GOLM1: variants seen among roughly 807,000 people sequenced by gnomAD.
GOLM1 encodes the protein epididymis luminal protein 46.
GOLM1 carries 31 observed loss-of-function variants against 50.5 expected under a neutral mutation model. The ratio of observed to expected loss-of-function variants is 0.61; its 90% CI spans 0.46 to 0.83. The LOEUF (loss-of-function observed/expected upper bound fraction) is 0.83. Ranked by LOEUF, GOLM1 falls within the 40% of genes least tolerant of loss-of-function variation. The pLI is 0.00. For missense variants in GOLM1, 491 were observed against 501.3 expected (o/e 0.98, Z 0.20); for synonymous variants, 178 against 192.8 (o/e 0.92, Z 0.64).
At chr9:86,051,833 A>G (rs915380933) in intron 4 of GOLM1, among the ~76,000 whole-genome samples, 2 of 152,200 alleles carry the variant, frequency 1.3e-5, no homozygotes, top group Non-Finnish European at 2.9e-5. Flanking sequence ...CTTTTCACAT[A>G]AGACTTTTTA....
intron 3 of GOLM1, among the ~76,000 whole-genome samples, chr9:86,076,594 G>A (rs1470635973): frequency 2.0e-5 from 3 of 151,912 alleles, no homozygotes; most frequent in African/African-American, 4.8e-5. Flanking sequence ...GGCCGGGCAC[G>A]GTGGCTCATG....
intron 1 of GOLM1, among the ~76,000 whole-genome samples, chr9:86,096,428 T>C (rs2118916167): frequency 6.6e-6 from 1 of 152,304 alleles, no homozygotes; most frequent in African/African-American, 2.4e-5. Flanking sequence ...CCTGCTGTAG[T>C]TCAATGGTCC....
At chr9:86,040,118 A>G (rs1009900098) in intron 6 of GOLM1, among the ~76,000 whole-genome samples, 6 of 152,174 alleles carry the variant, frequency 3.9e-5, no homozygotes, top group Admixed American at 6.5e-5. Flanking sequence ...ACTAAGGGAT[A>G]CACGGTTTCT....
At chr9:86,044,323 C>G (rs996704747) in intron 5 of GOLM1, among the ~76,000 whole-genome samples, 2 of 152,166 alleles carry the variant, frequency 1.3e-5, no homozygotes, top group Admixed American at 1.3e-4. Flanking sequence ...TCTACAGAGA[C>G]GTGTACTTGG....
At chr9:86,081,476 A>G (rs1563966378) in intron 1 of GOLM1, among the ~76,000 whole-genome samples, 2 of 152,172 alleles carry the variant, frequency 1.3e-5, no homozygotes, top group African/African-American at 4.8e-5. Context: ...GAATATAGGC[A>G]TGAGCCACCG....
At chr9:86,056,582 A>T (rs1253671233) in intron 3 of GOLM1, among the ~76,000 whole-genome samples, 4 of 150,944 alleles carry the variant, frequency 2.6e-5, no homozygotes, top group African/African-American at 4.9e-5. Context: ...CTTGGCTCAA[A>T]GCAACCTCCA....
At position 86,026,351 on chromosome 9, in the gene GOLM1, C is replaced by T. The variant is rs144817028; in HGVS notation, c.*1466G>A. 4.1e-4 allele frequency: 402 copies of T among 985,184 alleles called. 1 individual carries two copies. In the African/African-American group the frequency reaches 6.5e-3, roughly 16 times the overall value. The allele number at this position is 985,184 out of a possible 1,614,324, so 61.0% of individuals were successfully genotyped here. A position where few individuals can be genotyped will look rare whatever the true frequency, so the allele number is the denominator to read the frequency against. On this transcript the variant is annotated 3_prime_UTR_variant, in exon 10 of 10. Transcript: ENST00000388712. ...CCTTTTCTGGGTGGGAAAGTTTAAC[C>T]TTAGTGACTAAGGACATCACATATG...
chr9:86,039,665 C>T (rs1833266973), intron 6 of GOLM1, among the ~76,000 whole-genome samples: 1 of 152,118 alleles, frequency 6.6e-6, no homozygotes, highest in African/African-American at 2.4e-5. Context: ...GGTATTCATA[C>T]TCAGTCAAAG....
At chr9:86,082,268 C>T (rs1001161713) in intron 1 of GOLM1, among the ~76,000 whole-genome samples, 5 of 150,700 alleles carry the variant, frequency 3.3e-5, no homozygotes, top group Non-Finnish European at 7.4e-5. Context: ...CCTTGTGATC[C>T]GCCCGCCTCG....
At position 86,077,411 on chromosome 9, in the gene GOLM1, C is replaced by T; in HGVS notation, c.309+1G>A. 1.2e-6 allele frequency: 2 copies of T among 1,612,916 alleles called. No homozygotes were observed. The highest frequency in any genetic ancestry group is 1.1e-5 in the South Asian group (1 of 91,054). On this transcript the variant is annotated splice_donor_variant, in intron 3 of 9. Coordinates refer to ENST00000388712, the MANE Select transcript of GOLM1 (RefSeq NM_016548.4). LOFTEE classifies it high-confidence loss of function. ...CTGAGAGGAAACAAAGCAGGCCTTG[C>T]CTTTTCGTCCTGGTACAGCTTGTTG... is the stretch of plus-strand genomic sequence containing the variant.
At position 86,035,595 on chromosome 9, in the gene GOLM1, T is replaced by G; in HGVS notation, c.788A>C (p.Glu263Ala). 1.2e-6 allele frequency: 2 copies of G among 1,602,070 alleles called. No individual in the cohort carries two copies. The highest frequency in any genetic ancestry group is 1.7e-6 in the Non-Finnish European group (2 of 1,178,614). The change falls in exon 8 of 10, where the codon GAG (glutamate) becomes GCG (alanine). Residue 263 changes from glutamate to alanine, a missense_variant. Coordinates refer to ENST00000388712, the MANE Select transcript of GOLM1 (RefSeq NM_016548.4). ...CGGCAGCCTGTCCCTCTGAGGCTCCTCATTCACCACCTGGATCTCATTGGT... is the reference window on the plus strand; with the variant it reads ...CGGCAGCCTGTCCCTCTGAGGCTCCGCATTCACCACCTGGATCTCATTGGT... Reference protein sequence around the residue: ...EETNEIQVVNEEPQRDRLPQE... With the variant: ...EETNEIQVVNAEPQRDRLPQE...
intron 2 of GOLM1, among the ~76,000 whole-genome samples, chr9:86,078,261 G>A (rs987712042): frequency 2.0e-5 from 3 of 152,236 alleles, no homozygotes; most frequent in Non-Finnish European, 4.4e-5. Flanking sequence ...TACTGTGAAA[G>A]AGAAATTATT....
intron 1 of GOLM1, among the ~76,000 whole-genome samples, chr9:86,090,752 T>C (rs1240363855): frequency 7.0e-6 from 1 of 143,472 alleles, no homozygotes; most frequent in East Asian, 2.1e-4. Context: ...TGAACAGTTC[T>C]GTCTCGCTGG....
chr9:86,051,675 G>A (rs1833757207), intron 4 of GOLM1, among the ~76,000 whole-genome samples: 1 of 152,104 alleles, frequency 6.6e-6, no homozygotes, highest in Non-Finnish European at 1.5e-5. Context: ...TGACTCTGGT[G>A]GAGTTACTTG....
chr9:86,060,289 C>G (rs565663286), intron 3 of GOLM1, among the ~76,000 whole-genome samples: 77 of 151,966 alleles, frequency 5.1e-4, no homozygotes, highest in African/African-American at 1.9e-3. Context: ...AAGAGGGAGA[C>G]AGAGAAGGGG....
At chr9:86,051,605 G>A (rs1267211017) in intron 4 of GOLM1, among the ~76,000 whole-genome samples, 2 of 152,192 alleles carry the variant, frequency 1.3e-5, no homozygotes, top group Non-Finnish European at 2.9e-5. Context: ...CTGCCTGAGG[G>A]AAGTGGATCA....
At chr9:86,095,415 T>TC (rs1835328907) in intron 1 of GOLM1, among the ~76,000 whole-genome samples, 1 of 132,736 alleles carries the variant, frequency 7.5e-6, no homozygotes, top group Non-Finnish European at 1.5e-5. Flanking sequence ...TTTCCCTTTT[T>TC]TTTTTTTTTT....
At chr9:86,063,357 T>C (rs1217120713) in intron 3 of GOLM1, among the ~76,000 whole-genome samples, 1 of 152,200 alleles carries the variant, frequency 6.6e-6, no homozygotes, top group East Asian at 1.9e-4. Flanking sequence ...GGTTTCCATT[T>C]TCAAACGGGA....
intron 9 of GOLM1, among the ~76,000 whole-genome samples, chr9:86,028,276 C>T (rs756467722): frequency 1.8e-4 from 27 of 152,206 alleles, no homozygotes; most frequent in Non-Finnish European, 2.5e-4. Context: ...CACACACAAG[C>T]GGCTGGACGT....
Sources: gnomAD v4.1 joint callset for allele counts (sites outside exome capture counted in the v4.1 genomes callset) on GRCh38, gnomAD v4.1.1 for gene constraint, MANE v1.5 for transcripts, NCBI Gene and HGNC (gene_info 2026-07-23, HGNC 2026-07-21) for gene names.